Variants in VWA3B observed in about 807,000 individuals in gnomAD.
VWA3B encodes von Willebrand factor A domain-containing protein 3B.
In VWA3B, 138 loss-of-function variants were observed where a neutral mutation model predicts 158.3. That is an observed-to-expected ratio of 0.87 (90% confidence interval 0.76 to 1.00). The LOEUF is 1.00. VWA3B is among the 50% of genes least tolerant of loss of function. The pLI is 0.00. For synonymous variants in VWA3B, 596 were observed against 587.3 expected (o/e 1.01, Z -0.21); for missense variants, 1,555 against 1,565.1 (o/e 0.99, Z 0.11).
At chr2:98,102,391 G>A (rs905569861) in intron 2 of VWA3B, among the ~76,000 whole-genome samples, 5 of 151,798 alleles carry the variant, frequency 3.3e-5, no homozygotes, top group African/African-American at 7.3e-5. Context: ...CTGTCTTTTC[G>A]GAGCTGTTGG....
intron 2 of VWA3B, among the ~76,000 whole-genome samples, chr2:98,111,740 G>A (rs2104913801): frequency 6.6e-6 from 1 of 152,024 alleles, no homozygotes; most frequent in Admixed American, 6.5e-5. Flanking sequence ...TTTTTAAATG[G>A]GGTTATTTTT....
chr2:98,214,071 G>C (rs1288925073), intron 13 of VWA3B, among the ~76,000 whole-genome samples: 2 of 151,992 alleles, frequency 1.3e-5, no homozygotes, highest in African/African-American at 4.8e-5. Context: ...TGCACCTGTA[G>C]TCCTAGCTAC....
chr2:98,154,248 A>C (rs889613679), intron 7 of VWA3B, among the ~76,000 whole-genome samples: 16 of 152,224 alleles, frequency 1.1e-4, no homozygotes, highest in Non-Finnish European at 1.8e-4. Context: ...GAAACTTACT[A>C]GGGTTGAGGA....
intron 6 of VWA3B, among the ~76,000 whole-genome samples, chr2:98,133,485 G>A (rs1376668753): frequency 6.6e-6 from 1 of 152,198 alleles, no homozygotes; most frequent in Non-Finnish European, 1.5e-5. Context: ...TGGCTAAGCT[G>A]TGTTGACATG....
intron 13 of VWA3B, among the ~76,000 whole-genome samples, chr2:98,215,269 C>T (rs1389691340): frequency 1.3e-5 from 2 of 151,468 alleles, no homozygotes; most frequent in Non-Finnish European, 1.5e-5. Context: ...GGTGAAACCC[C>T]GTCTCTACTA....
downstream of VWA3B, among the ~76,000 whole-genome samples, chr2:98,314,083 C>T (rs1180181283): frequency 6.6e-6 from 1 of 152,180 alleles, no homozygotes. Context: ...ATGTGATGAG[C>T]CCTGTGCATT....
At chr2:98,224,601 TTAAA>T (rs1485405985) in intron 14 of VWA3B, among the ~76,000 whole-genome samples, 7 of 138,226 alleles carry the variant, frequency 5.1e-5, no homozygotes, top group Non-Finnish European at 8.6e-5. Flanking sequence ...AAAAAAAAGT[TTAAA>T]TAACCTGAAG....
intron 12 of VWA3B, among the ~76,000 whole-genome samples, chr2:98,200,898 T>G (rs1320920626): frequency 6.6e-6 from 1 of 152,232 alleles, no homozygotes; most frequent in African/African-American, 2.4e-5. Context: ...ACTATTCCTC[T>G]CTCCGTGGAA....
intron 19 of VWA3B, among the ~76,000 whole-genome samples, chr2:98,249,868 C>T (rs1482203899): frequency 2.0e-5 from 3 of 151,956 alleles, no homozygotes; most frequent in Non-Finnish European, 4.4e-5. Context: ...TAACTATAAT[C>T]AAATATTCTC....
chr2:98,187,800 A>G (rs1681229418), intron 9 of VWA3B, among the ~76,000 whole-genome samples, 175 bp from the exon 10 acceptor site: 1 of 151,982 alleles, frequency 6.6e-6, no homozygotes, highest in Non-Finnish European at 1.5e-5. Flanking sequence ...CATCTAGTGC[A>G]GGGCTCCATA....
chr2:98,208,127 A>T (rs1264447936), intron 12 of VWA3B, among the ~76,000 whole-genome samples: 1 of 151,860 alleles, frequency 6.6e-6, no homozygotes, highest in East Asian at 1.9e-4. Context: ...TTTTGTCCTT[A>T]GTAAATTTTC....
intron 8 of VWA3B, among the ~76,000 whole-genome samples, chr2:98,180,086 C>T (rs1435885313): frequency 2.1e-5 from 3 of 144,318 alleles, no homozygotes; most frequent in Non-Finnish European, 3.0e-5. Context: ...CTTTCTTTCT[C>T]TCTTTCTTTC....
chr2:98,098,418 AT>A (rs1180413497), intron 2 of VWA3B, among the ~76,000 whole-genome samples: 1 of 152,002 alleles, frequency 6.6e-6, no homozygotes, highest in Non-Finnish European at 1.5e-5. Flanking sequence ...TATGTTTGAA[AT>A]TTTTATACCC....
rs1205394953 is a variant in VWA3B, at chr2:98,242,344, C to T, written c.2673+5614C>T. ...CCTAGCAACTCTTCATTACAAGATG[C>T]AAAATGGACTCGATAATTTTATCTT... On this transcript the variant is annotated intron_variant, in intron 19 of 27. Coordinates refer to ENST00000477737, the MANE Select transcript of VWA3B (RefSeq NM_144992.5). The T allele has an allele frequency of 1.1e-5, 5 of 455,188 alleles. No individual in the cohort carries two copies. In the East Asian group the frequency reaches 3.5e-4, roughly 32 times the overall value. The allele number at this position is 455,188 out of a possible 1,614,324, so 28.2% of individuals were successfully genotyped here. A position where few individuals can be genotyped will look rare whatever the true frequency, so the allele number is the denominator to read the frequency against.
chr2:98,147,229 G>A (rs1677237205), intron 7 of VWA3B, among the ~76,000 whole-genome samples: 1 of 152,066 alleles, frequency 6.6e-6, no homozygotes, highest in Non-Finnish European at 1.5e-5. Context: ...ATTGGACCAG[G>A]GAAGTGTTGC....
chr2:98,271,915 C>T (rs1205481632), intron 22 of VWA3B, among the ~76,000 whole-genome samples: 1 of 152,180 alleles, frequency 6.6e-6, no homozygotes, highest in Non-Finnish European at 1.5e-5. Context: ...TCCCTTGCAG[C>T]AGTGTTGGAG....
chr2:98,128,264 TG>T lies in VWA3B; in HGVS notation c.733del (p.Asp245MetfsTer34), dbSNP rs1423955283. 2 of 1,613,998 alleles carry T rather than the reference TG, an allele frequency of 1.2e-6. No homozygotes were observed. Among genetic ancestry groups the T allele is most frequent in the East Asian group, 2.2e-5 (1 of 44,900 alleles). On this transcript the variant is annotated frameshift_variant, in exon 6 of 28. Coordinates refer to ENST00000477737, the MANE Select transcript of VWA3B (RefSeq NM_144992.5). LOFTEE classifies it high-confidence loss of function. ...ATTGAATCCATTTACTACTTTGTGG[TG>T]GGGGATGTTCCTGAAGAATCCAAGG... ...KTIESIYYFV[V>X]GDVPEESKEL...
chr2:98,185,214 C>T (rs1680922935), intron 9 of VWA3B, among the ~76,000 whole-genome samples: 1 of 149,010 alleles, frequency 6.7e-6, no homozygotes, highest in South Asian at 2.1e-4. Flanking sequence ...TATTCTCTTG[C>T]GCTATTCCCA....
At chr2:98,113,468 A>G (rs1674303500) in intron 2 of VWA3B, among the ~76,000 whole-genome samples, 1 of 152,184 alleles carries the variant, frequency 6.6e-6, no homozygotes, top group Admixed American at 6.5e-5. Context: ...AGACCCATGC[A>G]GTTCGAAATC....
Sources: allele counts gnomAD v4.1 joint callset (sites outside exome capture counted in the v4.1 genomes callset), GRCh38; gene constraint gnomAD v4.1.1; transcripts MANE v1.5; gene names NCBI Gene and HGNC (gene_info 2026-07-23, HGNC 2026-07-21).